Variants in GRID1 observed in about 807,000 individuals in gnomAD.
GRID1 encodes the protein glutamate receptor ionotropic, delta-1.
Under a neutral mutation model 98.0 loss-of-function variants are expected in GRID1, and 28 were observed. That is an observed-to-expected ratio of 0.29 (90% confidence interval 0.21 to 0.39). GRID1 has a LOEUF of 0.39. Ranked by LOEUF, GRID1 falls within the 10% of genes least tolerant of loss-of-function variation. The pLI is 1.00. For synonymous variants in GRID1, 553 were observed against 538.5 expected (o/e 1.03, Z -0.37); for missense variants, 1,111 against 1,340.5 (o/e 0.83, Z 2.67).
chr10:86,332,208 A>G lies in GRID1; in HGVS notation c.235+31733T>C, dbSNP rs556999443. On this transcript the variant is annotated intron_variant, in intron 2 of 15. Transcript: ENST00000327946. ...CCCATGGCTGGATTGGCTTCCTAAC[A>G]GCCCCTCCTTGACCCCTCCAGAATC... 3.3e-5 allele frequency among the ~76,000 whole-genome samples: 5 copies of G among 152,300 alleles called. No homozygotes were observed. The East Asian group carries it at 9.6e-4, about 29-fold the overall frequency.
intron 8 of GRID1, among the ~76,000 whole-genome samples, chr10:85,753,979 G>A (rs1842072293): frequency 6.6e-6 from 1 of 152,242 alleles, no homozygotes; most frequent in Non-Finnish European, 1.5e-5. Flanking sequence ...CAGTGCTAAT[G>A]CACATAGCAA....
At chr10:85,991,511 C>T (rs1486174296) in intron 4 of GRID1, among the ~76,000 whole-genome samples, 4 of 151,262 alleles carry the variant, frequency 2.6e-5, no homozygotes, top group Admixed American at 6.6e-5. Context: ...AGAAGAGGTG[C>T]GGGACTGCCC....
intron 12 of GRID1, among the ~76,000 whole-genome samples, chr10:85,680,450 T>C (rs1841195761): frequency 6.6e-6 from 1 of 152,196 alleles, no homozygotes; most frequent in African/African-American, 2.4e-5. Flanking sequence ...CCATTCAGCA[T>C]AGAAATCCCT....
At chr10:86,303,402 G>A (rs1847717679) in intron 2 of GRID1, among the ~76,000 whole-genome samples, 1 of 152,196 alleles carries the variant, frequency 6.6e-6, no homozygotes, top group African/African-American at 2.4e-5. Context: ...AACAAAGAGT[G>A]GAGCACTGCC....
At chr10:85,753,842 C>T (rs554847247) in intron 8 of GRID1, among the ~76,000 whole-genome samples, 16 of 152,234 alleles carry the variant, frequency 1.1e-4, no homozygotes, top group South Asian at 4.2e-4. Context: ...TCTTGTGTTC[C>T]GGAAGGATTG....
At chr10:86,026,443 T>C (rs1413435917) in intron 4 of GRID1, among the ~76,000 whole-genome samples, 1 of 152,182 alleles carries the variant, frequency 6.6e-6, no homozygotes, top group Non-Finnish European at 1.5e-5. Flanking sequence ...GGCTGTCAAG[T>C]TTCAGAGGAA....
intron 2 of GRID1, among the ~76,000 whole-genome samples, chr10:86,276,242 A>G (rs890337464): frequency 6.6e-6 from 1 of 152,206 alleles, no homozygotes; most frequent in African/African-American, 2.4e-5. Context: ...TTTGGCTTAT[A>G]GATTGCCATC....
intron 2 of GRID1, among the ~76,000 whole-genome samples, chr10:86,337,044 G>A (rs1282612562): frequency 5.3e-5 from 8 of 151,802 alleles, no homozygotes; most frequent in Non-Finnish European, 8.8e-5. Flanking sequence ...GTAGAGGCGG[G>A]GTTTCACCGT....
At chr10:85,949,191 A>G (rs1365997664) in intron 4 of GRID1, among the ~76,000 whole-genome samples, 1 of 152,174 alleles carries the variant, frequency 6.6e-6, no homozygotes, top group East Asian at 1.9e-4. Flanking sequence ...CATTTTTATA[A>G]CAACAATAAC....
At chr10:86,163,323 G>T (rs1469601936) in intron 3 of GRID1, among the ~76,000 whole-genome samples, 2 of 152,092 alleles carry the variant, frequency 1.3e-5, no homozygotes, top group Non-Finnish European at 2.9e-5. Flanking sequence ...TGTCCTTGAG[G>T]CCCATAGCAG....
intron 2 of GRID1, among the ~76,000 whole-genome samples, chr10:86,297,328 C>T (rs1167661444): frequency 1.3e-5 from 2 of 152,068 alleles, no homozygotes; most frequent in African/African-American, 4.8e-5. Context: ...TAATTGCATA[C>T]AAGAATTTAA....
rs770286856 is a variant in GRID1, at chr10:85,613,391, G to T, written c.2601+16C>A. The T allele has an allele frequency of 1.9e-6, 3 of 1,605,136 alleles. No individual in the cohort carries two copies. The highest frequency in any genetic ancestry group is 1.7e-6 in the Non-Finnish European group (2 of 1,175,288). On this transcript the variant is annotated intron_variant, in intron 15 of 15. Coordinates refer to ENST00000327946, the MANE Select transcript of GRID1 (RefSeq NM_017551.3). The stretch of plus-strand genomic sequence containing the variant: ...CTCTAGGCTGTGAAAGGGAGGGCAG[G>T]CCCCAGGGTGCTGACCTCCTTGGGG...
At position 86,190,067 on chromosome 10, in the gene GRID1, G is replaced by A. The variant is rs373875272; in HGVS notation, c.520+16297C>T. On this transcript the variant is annotated intron_variant, in intron 3 of 15. Transcript: ENST00000327946. ...AGTGCAAGTCCACCGCATGCCTTCC[G>A]TGACTCGGCCCCAGGCTCCTGCCTT... 2.5e-3 allele frequency among the ~76,000 whole-genome samples: 376 copies of A among 152,190 alleles called. 2 individuals carry two copies. Among genetic ancestry groups the A allele is most frequent in the African/African-American group, 8.7e-3 (360 of 41,506 alleles).
At chr10:85,861,228 C>A (rs2131785863) in intron 6 of GRID1, among the ~76,000 whole-genome samples, 1 of 152,258 alleles carries the variant, frequency 6.6e-6, no homozygotes, top group South Asian at 2.1e-4. Context: ...TCCAAAGGCA[C>A]AAAGGGATCA....
intron 4 of GRID1, among the ~76,000 whole-genome samples, chr10:85,942,878 A>C (rs1475074451): frequency 1.3e-5 from 2 of 152,216 alleles, no homozygotes; most frequent in Non-Finnish European, 2.9e-5. Context: ...GGTTGTGTGA[A>C]ATAAAGATAC....
At position 86,363,979 on chromosome 10, in the gene GRID1, A is replaced by G; in HGVS notation, c.197T>C (p.Val66Ala). Reference protein sequence around the residue: ...QSEKITYSIKVIEANNPFQAV... With the variant: ...QSEKITYSIKAIEANNPFQAV... The stretch of plus-strand genomic sequence containing the variant: ...CTGGAATGGGTTGTTGGCCTCGATG[A>G]CCTTGATGGAGTAGGTGATCTTCTC... Residue 66 changes from valine to alanine, a missense_variant, in exon 2 of 16, where the codon GTC becomes GCC. By Grantham distance (64) the Val-to-Ala change is moderately conservative. Around this residue, in one of 3 missense-constraint regions of GRID1, gnomAD observed 346 missense variants for 452.3 expected, o/e 0.76. Coordinates refer to ENST00000327946, the MANE Select transcript of GRID1 (RefSeq NM_017551.3). The G allele has an allele frequency of 6.2e-7, 1 of 1,614,116 alleles. No individual in the cohort carries two copies. Among genetic ancestry groups the G allele is most frequent in the Non-Finnish European group, 8.5e-7 (1 of 1,179,952 alleles).
chr10:86,284,119 TACACACCTGCCCTCATGC>T (rs1432251012), intron 2 of GRID1, among the ~76,000 whole-genome samples: 1 of 147,422 alleles, frequency 6.8e-6, no homozygotes, highest in African/African-American at 2.5e-5. Context: ...CGCCTGCATA[TACACACCTGCCCTCATGC>T]ACACACCTGC....
intron 4 of GRID1, among the ~76,000 whole-genome samples, chr10:86,037,381 G>A (rs914551450): frequency 1.3e-5 from 2 of 152,200 alleles, no homozygotes; most frequent in Non-Finnish European, 2.9e-5. Context: ...TGTGGTGTCA[G>A]GCAAGTTTCT....
chr10:85,625,226 T>G (rs1775061107), intron 13 of GRID1, among the ~76,000 whole-genome samples: 1 of 152,212 alleles, frequency 6.6e-6, no homozygotes. Flanking sequence ...TGTTCTATCA[T>G]GCATGACACA....
Sources: allele counts gnomAD v4.1 joint callset (sites outside exome capture counted in the v4.1 genomes callset), GRCh38; gene constraint gnomAD v4.1.1; regional missense constraint gnomAD v4.1.1; transcripts MANE v1.5; gene names NCBI Gene and HGNC (gene_info 2026-07-23, HGNC 2026-07-21).